SEMA3D: variants seen among roughly 807,000 people sequenced by gnomAD.
SEMA3D encodes the protein semaphorin 3D.
Under a neutral mutation model 100.1 loss-of-function variants are expected in SEMA3D, and 84 were observed. The ratio of observed to expected loss-of-function variants is 0.84; its 90% CI spans 0.70 to 1.01. SEMA3D has a LOEUF of 1.01. Ranked by LOEUF, SEMA3D falls within the 50% of genes least tolerant of loss-of-function variation. SEMA3D has a pLI of 0.00. For missense variants in SEMA3D, 875 were observed against 934.1 expected, an observed-to-expected ratio of 0.94 and a Z score of 0.82; for synonymous variants, 312 against 320.7, an observed-to-expected ratio of 0.97 and a Z score of 0.29.
chr7:85,085,324 T>A (rs920424799), intron 4 of SEMA3D, among the ~76,000 whole-genome samples: 1 of 152,228 alleles, frequency 6.6e-6, no homozygotes, highest in African/African-American at 2.4e-5. Context: ...TTTTATTTTT[T>A]ACTTCAAATC....
At chr7:85,062,076 C>T (rs1257026024) in intron 8 of SEMA3D, among the ~76,000 whole-genome samples, 2 of 152,160 alleles carry the variant, frequency 1.3e-5, no homozygotes, top group African/African-American at 4.8e-5. Flanking sequence ...AGCCGATGAA[C>T]TGTATTATAC....
chr7:85,212,621 G>A, the SEMA3D span, among the ~76,000 whole-genome samples: 1 of 151,784 alleles, frequency 6.6e-6, no homozygotes, highest in African/African-American at 2.4e-5. Context: ...TGAGAAAAAT[G>A]CTTCTTTTTA....
chr7:85,176,974 G>A (rs1399120732), intron 1 of SEMA3D, among the ~76,000 whole-genome samples: 1 of 152,076 alleles, frequency 6.6e-6, no homozygotes, highest in Non-Finnish European at 1.5e-5. Flanking sequence ...ACTTCACACT[G>A]TGTCATAGTT....
the SEMA3D span, among the ~76,000 whole-genome samples, chr7:85,201,781 C>A: frequency 5.3e-5 from 8 of 151,900 alleles, no homozygotes; most frequent in African/African-American, 1.9e-4. Context: ...AGCTGGAGAG[C>A]GGTGATGCAA....
rs759615577 is a variant in SEMA3D, at chr7:85,121,732, T to A, written c.151+9A>T. On this transcript the variant is annotated intron_variant, in intron 3 of 18. Coordinates refer to ENST00000284136, the MANE Select transcript of SEMA3D (RefSeq NM_001384900.1). ...TAATAAACAATTTAGAAAATATGTA[T>A]ATATTTACCTTTGTAGGTTAGCTTG... The A allele has an allele frequency of 4.2e-6, 6 of 1,437,152 alleles. No individual in the cohort carries two copies. The highest frequency in any genetic ancestry group is 5.7e-6 in the Non-Finnish European group (6 of 1,053,370). 89.0% of individuals were successfully genotyped at this position (1,437,152 alleles called of 1,614,324 possible).
At chr7:85,131,824 C>T (rs904621813) in intron 2 of SEMA3D, among the ~76,000 whole-genome samples, 18 of 151,832 alleles carry the variant, frequency 1.2e-4, no homozygotes, top group African/African-American at 4.3e-4. Flanking sequence ...TCCATTCCCA[C>T]ACCTAGTATT....
intron 18 of SEMA3D, among the ~76,000 whole-genome samples, chr7:85,000,378 T>G (rs1402520960): frequency 1.3e-5 from 2 of 152,190 alleles, no homozygotes; most frequent in Non-Finnish European, 2.9e-5. Flanking sequence ...TGGAATTTAC[T>G]GCTTTCCAGA....
Position 85,121,933 on chromosome 7 carries a change from TA to T in SEMA3D, c.-40-3del. The T allele has an allele frequency of 2.3e-6, 3 of 1,321,472 alleles. No individual in the cohort carries two copies. The highest frequency in any genetic ancestry group is 3.0e-5 in the South Asian group (2 of 65,716). The allele number at this position is 1,321,472 out of a possible 1,614,324, so 81.9% of individuals were successfully genotyped here. On this transcript the variant is annotated splice_polypyrimidine_tract_variant and splice_region_variant and intron_variant, in intron 2 of 18. Transcript: ENST00000284136. Reference sequence around the variant, plus strand: ...TCTTTCAAATGGTGTTAATTTAATCTAAAAAAGAGTAAAAAAAAAAAAACTA... The same window carrying T: ...TCTTTCAAATGGTGTTAATTTAATCTAAAAAGAGTAAAAAAAAAAAAACTA...
the SEMA3D span, among the ~76,000 whole-genome samples, chr7:85,205,527 T>G: frequency 6.6e-6 from 1 of 152,120 alleles, no homozygotes; most frequent in Admixed American, 6.6e-5. Flanking sequence ...CCATTTTCTG[T>G]GTTCCTTTCC....
intron 9 of SEMA3D, among the ~76,000 whole-genome samples, chr7:85,051,654 T>G (rs1216822175): frequency 6.6e-6 from 1 of 152,010 alleles, no homozygotes; most frequent in African/African-American, 2.4e-5. Flanking sequence ...CAGAGACTAC[T>G]GAGCCTCAGG....
intron 2 of SEMA3D, among the ~76,000 whole-genome samples, chr7:85,148,144 G>A (rs1362482877): frequency 2.6e-5 from 4 of 152,106 alleles, no homozygotes; most frequent in Non-Finnish European, 5.9e-5. Context: ...TGGAAAAAAT[G>A]AATAAGTAAA....
At chr7:85,064,095 T>C (rs985130925) in intron 8 of SEMA3D, among the ~76,000 whole-genome samples, 1 of 152,224 alleles carries the variant, frequency 6.6e-6, no homozygotes, top group African/African-American at 2.4e-5. Context: ...GTATTGACAA[T>C]GCTGCTGACT....
chr7:85,216,367 G>A, the SEMA3D span, among the ~76,000 whole-genome samples: 1 of 151,316 alleles, frequency 6.6e-6, no homozygotes, highest in Non-Finnish European at 1.5e-5. Context: ...TTGTGTGTGT[G>A]TGTGTGTGTG....
At chr7:85,091,015 C>T (rs185080676) in intron 4 of SEMA3D, among the ~76,000 whole-genome samples, 24 of 113,516 alleles carry the variant, frequency 2.1e-4, no homozygotes, top group East Asian at 5.0e-4. Context: ...AAGAAAGAAA[C>T]GAAAAGAGAA....
Position 85,081,517 on chromosome 7 carries a change from A to G in SEMA3D, c.375T>C (p.Asn125=), listed in dbSNP as rs1788063832. Residue 125 remains asparagine, a splice_region_variant and synonymous_variant, in exon 5 of 19, where the codon AAT becomes AAC. Coordinates refer to ENST00000284136, the MANE Select transcript of SEMA3D (RefSeq NM_001384900.1). ...ATAATTGTTACAGTTTCATACTTAC[A>G]TTGGCATCTTTCCCAGCTAATTTAC... is the stretch of plus-strand genomic sequence containing the variant. ...ELCKLAGKDA[N]TECANFIRVL... 2 of 1,598,940 alleles carry G rather than the reference A, an allele frequency of 1.3e-6. No individual in the cohort carries two copies. The highest frequency in any genetic ancestry group is 1.3e-5 in the African/African-American group (1 of 74,676).
the SEMA3D span, among the ~76,000 whole-genome samples, chr7:85,237,468 G>A: frequency 1.3e-5 from 2 of 152,142 alleles, no homozygotes; most frequent in African/African-American, 4.8e-5. Context: ...GCTAACCTGT[G>A]GCAACCACTA....
At chr7:85,157,767 C>T (rs1051942414) in intron 1 of SEMA3D, 3 of 293,710 alleles carry the variant, frequency 1.0e-5, no homozygotes, top group Non-Finnish European at 1.5e-5. Flanking sequence ...TCACTTCAGT[C>T]GCCCAAAGCA....
Position 85,029,338 on chromosome 7 carries a change from G to C in SEMA3D, c.1192-6725C>G, listed in dbSNP as rs1049790804. 1.1e-5 allele frequency: 15 copies of C among 1,351,418 alleles called. No individual in the cohort carries two copies. The East Asian group carries it at 1.4e-4, about 12-fold the overall frequency. 83.7% of individuals were successfully genotyped at this position (1,351,418 alleles called of 1,614,324 possible). A position where few individuals can be genotyped will look rare whatever the true frequency, so the allele number is the denominator to read the frequency against. On this transcript the variant is annotated intron_variant, in intron 12 of 18. Transcript: ENST00000284136. ...CCAGGAAACTGAGAAGTACAAAGCTGAAGATGAGAAGCAGAGGGACAAGGT... is the reference window on the plus strand; with the variant it reads ...CCAGGAAACTGAGAAGTACAAAGCTCAAGATGAGAAGCAGAGGGACAAGGT...
At chr7:85,241,857 C>T in the SEMA3D span, among the ~76,000 whole-genome samples, 1 of 151,774 alleles carries the variant, frequency 6.6e-6, no homozygotes, top group Non-Finnish European at 1.5e-5. Context: ...AAATAAACTA[C>T]AATAAGATAT....
Sources: allele counts gnomAD v4.1 joint callset (sites outside exome capture counted in the v4.1 genomes callset), GRCh38; gene constraint gnomAD v4.1.1; transcripts MANE v1.5; gene names NCBI Gene and HGNC (gene_info 2026-07-23, HGNC 2026-07-21).